Variants in SEMA3C observed in about 807,000 individuals in gnomAD.
The protein encoded by SEMA3C is semaphorin-3C.
A neutral mutation model predicts 89.4 loss-of-function variants in SEMA3C; 47 were observed. The ratio of observed to expected loss-of-function variants is 0.53; its 90% CI spans 0.42 to 0.67. The LOEUF (loss-of-function observed/expected upper bound fraction) is 0.67. Ranked by LOEUF, SEMA3C falls within the 30% of genes least tolerant of loss-of-function variation. SEMA3C has a pLI of 0.00. For synonymous variants in SEMA3C, 310 were observed against 320.2 expected, an observed-to-expected ratio of 0.97 and a Z score of 0.34; for missense variants, 839 against 929.1, an observed-to-expected ratio of 0.90 and a Z score of 1.26.
intron 12 of SEMA3C, among the ~76,000 whole-genome samples, chr7:80,765,931 C>T (rs1213592578): frequency 6.6e-6 from 1 of 152,106 alleles, no homozygotes; most frequent in Non-Finnish European, 1.5e-5. Flanking sequence ...TCCACACCAA[C>T]ATTATAAAGT....
At chr7:80,851,149 A>C (rs148337607) in intron 2 of SEMA3C, among the ~76,000 whole-genome samples, 3 of 152,278 alleles carry the variant, frequency 2.0e-5, no homozygotes, top group African/African-American at 7.2e-5. Context: ...CAGATAATCC[A>C]GGATAATTCT....
At chr7:80,831,058 G>A (rs1056927636) in intron 2 of SEMA3C, among the ~76,000 whole-genome samples, 3 of 152,206 alleles carry the variant, frequency 2.0e-5, no homozygotes, top group Non-Finnish European at 2.9e-5. Context: ...ATGATTCATG[G>A]TTGTGTAAGT....
At chr7:80,890,712 C>A (rs933415370) in intron 2 of SEMA3C, among the ~76,000 whole-genome samples, 6 of 152,182 alleles carry the variant, frequency 3.9e-5, no homozygotes, top group African/African-American at 7.2e-5. Flanking sequence ...AATAGTCCTA[C>A]AAAGGAAGTT....
chr7:80,898,242 T>G (rs955146814), intron 2 of SEMA3C, among the ~76,000 whole-genome samples: 10 of 152,088 alleles, frequency 6.6e-5, no homozygotes, highest in African/African-American at 2.2e-4. Flanking sequence ...GGCACATGCC[T>G]GTAGTCCCAG....
chr7:80,801,521 T>C (rs1057203661), intron 9 of SEMA3C, among the ~76,000 whole-genome samples: 3 of 152,074 alleles, frequency 2.0e-5, no homozygotes, highest in Admixed American at 1.3e-4. Flanking sequence ...TAATAATCAA[T>C]TGCCATGATT....
At chr7:80,748,536 T>A (rs994708355) in intron 17 of SEMA3C, among the ~76,000 whole-genome samples, 9 of 152,202 alleles carry the variant, frequency 5.9e-5, no homozygotes, top group South Asian at 2.1e-4. Context: ...AACTTTTTTT[T>A]AAAAGCCTCC....
intron 2 of SEMA3C, among the ~76,000 whole-genome samples, chr7:80,839,670 A>C (rs568762501): frequency 3.5e-4 from 54 of 152,250 alleles, no homozygotes; most frequent in African/African-American, 1.3e-3. Flanking sequence ...ATTTTAAAAC[A>C]TTTATAGCAA....
chr7:80,902,747 A>G (rs1223122078), intron 2 of SEMA3C, among the ~76,000 whole-genome samples: 4 of 152,192 alleles, frequency 2.6e-5, no homozygotes. Context: ...GCTCCAGTGA[A>G]GTTTCCACTA....
At chr7:80,886,611 C>CA (rs2116127367) in intron 2 of SEMA3C, among the ~76,000 whole-genome samples, 1 of 152,220 alleles carries the variant, frequency 6.6e-6, no homozygotes, top group African/African-American at 2.4e-5. Context: ...CTCAGCCTCC[C>CA]AAAGTGCTGG....
At chr7:80,874,401 T>A (rs2116064541) in intron 2 of SEMA3C, among the ~76,000 whole-genome samples, 1 of 152,276 alleles carries the variant, frequency 6.6e-6, no homozygotes, top group South Asian at 2.1e-4. Context: ...ACAGCAAGGG[T>A]ACGACCTTTT....
In SEMA3C at chr7:80,853,842, T is replaced by A. The variant is rs117541832; in HGVS notation, c.104-25097A>T. Among the ~76,000 whole-genome samples the A allele has an allele frequency of 6.7e-3, 1,019 of 152,238 alleles. 55 individuals carry two copies. In the East Asian group the frequency reaches 0.13, roughly 19 times the overall value. On this transcript the variant is annotated intron_variant, in intron 2 of 17. Coordinates refer to ENST00000265361, the MANE Select transcript of SEMA3C (RefSeq NM_006379.5). ...GGATACCCCATTTATCCTGATGTGATAACTACACATTGCATACCTGTATCA... is the reference window on the plus strand; with the variant it reads ...GGATACCCCATTTATCCTGATGTGAAAACTACACATTGCATACCTGTATCA...
At chr7:80,750,473 T>TATATATATACACAC (rs869227686) in intron 16 of SEMA3C, among the ~76,000 whole-genome samples, 17 of 55,448 alleles carry the variant, frequency 3.1e-4, no homozygotes, top group Admixed American at 4.4e-4. Context: ...TATATATATA[T>TATATATATACACAC]ACACACACAC....
chr7:80,822,488 G>A (rs1374990461), intron 4 of SEMA3C, among the ~76,000 whole-genome samples: 1 of 152,004 alleles, frequency 6.6e-6, no homozygotes, highest in African/African-American at 2.4e-5. Context: ...GTGCCTAGAA[G>A]GGTTAGAGGA....
At position 80,744,628 on chromosome 7, in the gene SEMA3C, T is replaced by C. The variant is rs1379595379; in HGVS notation, c.*266A>G. The C allele has an allele frequency of 2.2e-6, 1 of 453,256 alleles. No individual in the cohort carries two copies. The highest frequency in any genetic ancestry group is 3.9e-6 in the Non-Finnish European group (1 of 254,492). 28.1% of individuals were successfully genotyped at this position (453,256 alleles called of 1,614,324 possible). A position where few individuals can be genotyped will look rare whatever the true frequency, so the allele number is the denominator to read the frequency against. ...TAGTTTTGCAGCCACCATATCGATT[T>C]TGAAGAAAAGGTGAATAAAGATATA... On this transcript the variant is annotated 3_prime_UTR_variant, in exon 18 of 18. Coordinates refer to ENST00000265361, the MANE Select transcript of SEMA3C (RefSeq NM_006379.5).
At chr7:80,901,341 A>C (rs1045595111) in intron 2 of SEMA3C, among the ~76,000 whole-genome samples, 1 of 152,232 alleles carries the variant, frequency 6.6e-6, no homozygotes, top group African/African-American at 2.4e-5. Flanking sequence ...TCCATTAGGC[A>C]AAACAATTTT....
intron 2 of SEMA3C, among the ~76,000 whole-genome samples, chr7:80,863,404 T>C (rs1790821411): frequency 6.6e-6 from 1 of 150,634 alleles, no homozygotes; most frequent in Non-Finnish European, 1.5e-5. Context: ...TCTACACTAC[T>C]GGTAAGAATG....
chr7:80,873,208 G>A (rs984149385), intron 2 of SEMA3C, among the ~76,000 whole-genome samples: 1 of 152,202 alleles, frequency 6.6e-6, no homozygotes, highest in Admixed American at 6.5e-5. Flanking sequence ...AACTTGAAGA[G>A]AGCCACTGTG....
chr7:80,922,099 T>G (rs1183293504), upstream of SEMA3C, among the ~76,000 whole-genome samples: 1 of 152,210 alleles, frequency 6.6e-6, no homozygotes, highest in Non-Finnish European at 1.5e-5. Flanking sequence ...GTACTTTGCT[T>G]ATTATCTGCA....
intron 2 of SEMA3C, among the ~76,000 whole-genome samples, chr7:80,910,571 A>G (rs185298832): frequency 3.0e-4 from 45 of 152,036 alleles, no homozygotes; most frequent in Middle Eastern, 3.5e-3. Context: ...AGAGGTCTTC[A>G]GTAATATATA....
Sources: gnomAD v4.1 joint callset for allele counts (sites outside exome capture counted in the v4.1 genomes callset) on GRCh38, gnomAD v4.1.1 for gene constraint, MANE v1.5 for transcripts, NCBI Gene and HGNC (gene_info 2026-07-23, HGNC 2026-07-21) for gene names.